FAM149B1: variants seen among roughly 807,000 people sequenced by gnomAD.
FAM149B1 encodes the protein primary cilium assembly protein FAM149B1.
A neutral mutation model predicts 75.3 loss-of-function variants in FAM149B1; 56 were observed. The observed-to-expected ratio is 0.74, with a 90% CI of 0.60 to 0.93. The LOEUF is 0.93. FAM149B1 is among the 40% of genes least tolerant of loss of function. The probability of loss-of-function intolerance (pLI) is 0.00; values close to 1 mark genes in which losing one functional copy is unlikely to be tolerated. For missense variants in FAM149B1, 639 were observed against 708.4 expected (o/e 0.90, Z 1.11); for synonymous variants, 259 against 256.1 (o/e 1.01, Z -0.11).
chr10:73,203,855 G>A (rs1264745055), intron 5 of FAM149B1, among the ~76,000 whole-genome samples: 1 of 151,962 alleles, frequency 6.6e-6, no homozygotes, highest in Admixed American at 6.6e-5. Context: ...TGCACAGGCT[G>A]GTGTTAAACT....
intron 1 of FAM149B1, 145 bp downstream of exon 1, chr10:73,168,531 C>T: frequency 1.0e-6 from 1 of 971,546 alleles, no homozygotes. Flanking sequence ...CTGCTGGACC[C>T]TGCCCCTTCT....
chr10:73,177,574 CAA>C (rs112060986), intron 2 of FAM149B1, among the ~76,000 whole-genome samples: 1 of 145,300 alleles, frequency 6.9e-6, no homozygotes, highest in South Asian at 2.2e-4. Flanking sequence ...ATTCTGTCTC[CAA>C]AAAAAAAAGA....
chr10:73,200,549 G>T (rs2042910282), intron 5 of FAM149B1: 4 of 742,680 alleles, frequency 5.4e-6, no homozygotes, highest in Middle Eastern at 3.7e-4. Context: ...CAAAATGTTT[G>T]TTTTGGATGA....
In FAM149B1 at chr10:73,168,388, T is replaced by TGAGTGGAC; in HGVS notation, c.47+3_47+10dup. The TGAGTGGAC allele has an allele frequency of 6.5e-7, 1 of 1,549,732 alleles. No homozygotes were observed. The highest frequency in any genetic ancestry group is 8.7e-7 in the Non-Finnish European group (1 of 1,146,726). On this transcript the variant is annotated splice_region_variant and intron_variant, in intron 1 of 13. Coordinates refer to ENST00000242505, the MANE Select transcript of FAM149B1 (RefSeq NM_173348.2). ...GGCGGTGCCACAGAGCTTGGAGCTG[T>TGAGTGGAC]GAGTGGACTGCTCAGCCACCCCAGC...
chr10:73,169,548 A>G (rs537717062), intron 1 of FAM149B1, among the ~76,000 whole-genome samples: 1 of 150,418 alleles, frequency 6.6e-6, no homozygotes, highest in South Asian at 2.1e-4. Flanking sequence ...GCCTCCACCT[A>G]TGGGCTCAGG....
intron 9 of FAM149B1, among the ~76,000 whole-genome samples, chr10:73,232,179 T>C (rs1004410889): frequency 1.3e-5 from 2 of 152,150 alleles, no homozygotes; most frequent in African/African-American, 4.8e-5. Context: ...TACTCTTAGA[T>C]GTCTTAAAAT....
chr10:73,228,126 A>G lies in FAM149B1; in HGVS notation c.965A>G (p.His322Arg), dbSNP rs779042884. The change falls in exon 8 of 14, where the codon CAT (histidine) becomes CGT (arginine). Residue 322 changes from histidine (H) to arginine (R), a missense_variant. By Grantham distance (29) the His-to-Arg change is conservative (BLOSUM62 0). Coordinates refer to ENST00000242505, the MANE Select transcript of FAM149B1 (RefSeq NM_173348.2). The part of the protein sequence containing the change: ...SESSCVLSEL[H>R]PLVLPRVPQS... ...AGTTCCTGTGTGCTGAGTGAACTAC[A>G]TCCTTTGGTGTTACCGCGAGTGCCA... The G allele has an allele frequency of 1.9e-6, 3 of 1,551,396 alleles. No individual in the cohort carries two copies. The highest frequency in any genetic ancestry group is 2.4e-5 in the South Asian group (2 of 84,046).
intron 5 of FAM149B1, among the ~76,000 whole-genome samples, chr10:73,203,980 T>C (rs1434893129): frequency 6.6e-6 from 1 of 152,140 alleles, no homozygotes; most frequent in African/African-American, 2.4e-5. Flanking sequence ...GGTCATATCC[T>C]TAAAGGAAAT....
intron 5 of FAM149B1, among the ~76,000 whole-genome samples, chr10:73,204,440 A>G (rs1009015362): frequency 6.6e-6 from 1 of 152,100 alleles, no homozygotes; most frequent in East Asian, 1.9e-4. Flanking sequence ...GGTTTATTCT[A>G]TTTTCCTAAT....
At chr10:73,172,961 A>G (rs1329078654) in intron 1 of FAM149B1, among the ~76,000 whole-genome samples, 1 of 151,630 alleles carries the variant, frequency 6.6e-6, no homozygotes, top group Non-Finnish European at 1.5e-5. Flanking sequence ...AAAATTAAAG[A>G]TTAAATAATT....
intron 3 of FAM149B1, 48 bp downstream of exon 3, chr10:73,178,023 G>A: frequency 6.7e-7 from 1 of 1,495,532 alleles, no homozygotes; most frequent in East Asian, 2.5e-5. Flanking sequence ...AGATGATTCT[G>A]GGAATTAGGA....
chr10:73,208,985 T>TCA (rs2043128726), intron 6 of FAM149B1, among the ~76,000 whole-genome samples, 199 bp downstream of exon 6: 1 of 152,228 alleles, frequency 6.6e-6, no homozygotes, highest in African/African-American at 2.4e-5. Context: ...TTTTATAACT[T>TCA]CACACATCAT....
At chr10:73,197,106 C>T (rs1165449892) in intron 5 of FAM149B1, among the ~76,000 whole-genome samples, 1 of 152,078 alleles carries the variant, frequency 6.6e-6, no homozygotes, top group East Asian at 1.9e-4. Context: ...TGGGCTCAAG[C>T]AATCCTCCCG....
chr10:73,204,162 T>A (rs968552528), intron 5 of FAM149B1, among the ~76,000 whole-genome samples: 5 of 152,190 alleles, frequency 3.3e-5, no homozygotes, highest in Non-Finnish European at 7.4e-5. Flanking sequence ...TCTTGCTCTG[T>A]TGCCCAGGCT....
rs755058510 is a variant in FAM149B1 at position 73,243,542 on chromosome 10, A to C, written c.*2523A>C. ...GCTCTGTTTGAGAAGTTAAAACACA[A>C]GCTTTCACAACATTATCCATAGACA... is the stretch of plus-strand genomic sequence containing the variant. On this transcript the variant is annotated 3_prime_UTR_variant, in exon 14 of 14. Transcript: ENST00000242505. 33 of 1,613,492 alleles carry C rather than the reference A, an allele frequency of 2.0e-5. 1 individual carries two copies. In the Middle Eastern group the frequency reaches 8.2e-4, roughly 40 times the overall value.
intron 3 of FAM149B1, among the ~76,000 whole-genome samples, chr10:73,178,916 A>T (rs1319298583): frequency 6.6e-6 from 1 of 152,170 alleles, no homozygotes; most frequent in East Asian, 1.9e-4. Flanking sequence ...GACAATTTTT[A>T]TGCATAATTT....
intron 3 of FAM149B1, among the ~76,000 whole-genome samples, chr10:73,184,726 A>G (rs1264549647): frequency 6.6e-6 from 1 of 152,214 alleles, no homozygotes; most frequent in East Asian, 1.9e-4. Flanking sequence ...TTTTGAACTG[A>G]AAGAAAAGGG....
At chr10:73,225,178 A>G (rs1182735313) in intron 7 of FAM149B1, among the ~76,000 whole-genome samples, 1 of 152,244 alleles carries the variant, frequency 6.6e-6, no homozygotes, top group East Asian at 1.9e-4. Flanking sequence ...TGTATATACT[A>G]TATTTTTATC....
At chr10:73,212,321 C>A (rs1243154798) in intron 7 of FAM149B1, among the ~76,000 whole-genome samples, 1 of 152,162 alleles carries the variant, frequency 6.6e-6, no homozygotes, top group Non-Finnish European at 1.5e-5. Flanking sequence ...ACTCTTGTCA[C>A]CCAGGCTGGA....
Sources: allele counts gnomAD v4.1 joint callset (sites outside exome capture counted in the v4.1 genomes callset), GRCh38; gene constraint gnomAD v4.1.1; transcripts MANE v1.5; gene names NCBI Gene and HGNC (gene_info 2026-07-23, HGNC 2026-07-21).